Variants in ADGRV1 observed in about 807,000 individuals in gnomAD.
ADGRV1 encodes G-protein coupled receptor 98.
A neutral mutation model predicts 596.2 loss-of-function variants in ADGRV1; 359 were observed. That is an observed-to-expected ratio of 0.60 (90% CI 0.55 to 0.66). The LOEUF (loss-of-function observed/expected upper bound fraction) is 0.66. ADGRV1 is among the 30% of genes least tolerant of loss of function. The probability of loss-of-function intolerance (pLI) is 0.00; values close to 1 mark genes in which losing one functional copy is unlikely to be tolerated. For missense variants in ADGRV1, 7,274 were observed against 7,575.6 expected, an observed-to-expected ratio of 0.96 and a Z score of 1.48; for synonymous variants, 2,681 against 2,679.2, an observed-to-expected ratio of 1.00 and a Z score of -0.02.
intron 85 of ADGRV1, among the ~76,000 whole-genome samples, chr5:90,988,455 C>G (rs1158817407): frequency 6.6e-6 from 1 of 152,092 alleles, no homozygotes; most frequent in East Asian, 1.9e-4. Context: ...ACTGGTGTTT[C>G]CTAAGTGCTG....
In ADGRV1 at chr5:90,800,050, A is replaced by C. The variant is rs918233668; in HGVS notation, c.14518-2689A>C. 4.6e-5 allele frequency among the ~76,000 whole-genome samples: 7 copies of C among 152,218 alleles called. No individual in the cohort carries two copies. The South Asian group carries it at 1.2e-3, about 27-fold the overall frequency. On this transcript the variant is annotated intron_variant, in intron 70 of 89. Transcript: ENST00000405460. ...CTTCATGTCTGAAACACCAAAAGCA[A>C]TGGCAACGGAAGCCAAAATTGACCA...
intron 59 of ADGRV1, among the ~76,000 whole-genome samples, chr5:90,772,502 A>G (rs974118944): frequency 3.3e-5 from 5 of 152,232 alleles, no homozygotes; most frequent in Non-Finnish European, 7.3e-5. Context: ...GATGTACCCT[A>G]AGTAGAAAAT....
chr5:90,698,202 A>G (rs1206786028), intron 34 of ADGRV1, among the ~76,000 whole-genome samples: 1 of 152,210 alleles, frequency 6.6e-6, no homozygotes, highest in Non-Finnish European at 1.5e-5. Flanking sequence ...TCAACTATCA[A>G]AAAGTTATTT....
At position 90,778,495 on chromosome 5, in the gene ADGRV1, A is replaced by G; in HGVS notation, c.12735A>G (p.Gly4245=). The G allele has an allele frequency of 1.2e-6, 2 of 1,612,994 alleles. No homozygotes were observed. The highest frequency in any genetic ancestry group is 1.7e-6 in the Non-Finnish European group (2 of 1,179,390). ...YEFQLTAVSE[G]GVLSESSSTA... is the part of the protein sequence containing the mutation. ...TTCAGCTCACTGCAGTCAGTGAGGGAGGAGTTCTGAGTGAATCCAGCAGCA... is the reference window on the plus strand; with the variant it reads ...TTCAGCTCACTGCAGTCAGTGAGGGGGGAGTTCTGAGTGAATCCAGCAGCA... Residue 4245 remains glycine (G), a synonymous_variant, in exon 63 of 90, where the codon GGA becomes GGG. Coordinates refer to ENST00000405460, the MANE Select transcript of ADGRV1 (RefSeq NM_032119.4).
intron 9 of ADGRV1, among the ~76,000 whole-genome samples, chr5:90,632,012 T>G (rs1765565432): frequency 6.6e-6 from 1 of 152,178 alleles, no homozygotes; most frequent in Non-Finnish European, 1.5e-5. Flanking sequence ...TGTGTGGGAT[T>G]CAATTTTTTG....
intron 85 of ADGRV1, among the ~76,000 whole-genome samples, chr5:91,012,165 G>A (rs1782773311): frequency 6.6e-6 from 1 of 151,818 alleles, no homozygotes; most frequent in South Asian, 2.1e-4. Flanking sequence ...AATTCACCTG[G>A]TAGCTGGTTT....
chr5:90,689,037 G>T (rs766251883), intron 29 of ADGRV1, among the ~76,000 whole-genome samples: 3 of 152,174 alleles, frequency 2.0e-5, no homozygotes, highest in Non-Finnish European at 4.4e-5. Context: ...AGGGAGATTT[G>T]CCTGAGAACT....
intron 7 of ADGRV1, chr5:90,628,052 G>A (rs1310619364): frequency 4.6e-6 from 1 of 217,144 alleles, no homozygotes; most frequent in Admixed American, 5.6e-5. Context: ...TAGTATAGTA[G>A]TTCCCTAGGA....
At chr5:90,565,776 AGT>A (rs1484925078) in intron 1 of ADGRV1, among the ~76,000 whole-genome samples, 2 of 152,110 alleles carry the variant, frequency 1.3e-5, no homozygotes, top group African/African-American at 4.8e-5. Flanking sequence ...TGTTTTCTAA[AGT>A]GTGTTTACCA....
intron 70 of ADGRV1, among the ~76,000 whole-genome samples, chr5:90,800,558 G>A (rs755750896): frequency 1.3e-5 from 2 of 152,152 alleles, no homozygotes; most frequent in African/African-American, 2.4e-5. Flanking sequence ...ATTTGACCCA[G>A]CAATCCCATT....
intron 5 of ADGRV1, among the ~76,000 whole-genome samples, chr5:90,623,063 C>T (rs552930944): frequency 6.6e-6 from 1 of 152,282 alleles, no homozygotes; most frequent in East Asian, 1.9e-4. Context: ...TAAATGCGAA[C>T]ACTGGGGTTC....
chr5:90,875,201 G>A (rs887475685), intron 83 of ADGRV1, among the ~76,000 whole-genome samples: 1 of 152,116 alleles, frequency 6.6e-6, no homozygotes. Flanking sequence ...TTTAAAGCCA[G>A]AATTTTAAAG....
intron 50 of ADGRV1, among the ~76,000 whole-genome samples, chr5:90,731,354 A>G (rs1241793700): frequency 1.3e-5 from 2 of 152,192 alleles, no homozygotes; most frequent in South Asian, 2.1e-4. Context: ...ATCCGCCTCT[A>G]TGATCCAATC....
At chr5:91,044,040 C>T (rs563488250) in intron 85 of ADGRV1, among the ~76,000 whole-genome samples, 1 of 152,006 alleles carries the variant, frequency 6.6e-6, no homozygotes, top group South Asian at 2.1e-4. Flanking sequence ...ATAGGAGATA[C>T]TCAACAAATA....
chr5:90,802,578 C>T (rs1003526936), intron 70 of ADGRV1, among the ~76,000 whole-genome samples, 161 bp from the exon 71 acceptor site: 11 of 152,004 alleles, frequency 7.2e-5, no homozygotes, highest in African/African-American at 2.4e-4. Flanking sequence ...TATCTCACAC[C>T]CTACATACTG....
intron 1 of ADGRV1, among the ~76,000 whole-genome samples, chr5:90,602,189 C>T (rs1429329263): frequency 6.6e-6 from 1 of 152,146 alleles, no homozygotes; most frequent in African/African-American, 2.4e-5. Flanking sequence ...ATTTACAATA[C>T]AACATCCTGA....
intron 50 of ADGRV1, among the ~76,000 whole-genome samples, chr5:90,740,097 A>G (rs1437514463): frequency 6.6e-6 from 1 of 152,184 alleles, no homozygotes; most frequent in East Asian, 1.9e-4. Flanking sequence ...TAAGGAAAGT[A>G]CTGGGGCTTG....
intron 87 of ADGRV1, among the ~76,000 whole-genome samples, chr5:91,136,998 G>T (rs960562094): frequency 1.6e-4 from 24 of 152,220 alleles, no homozygotes; most frequent in African/African-American, 5.8e-4. Flanking sequence ...GAAATGCTCT[G>T]TTTAAAAATG....
chr5:91,036,031 T>C lies in ADGRV1; in HGVS notation c.18153-36416T>C, dbSNP rs80046113. On this transcript the variant is annotated intron_variant, in intron 85 of 89. Transcript: ENST00000405460. ...TAGATTAAGTATTGTAGATATGTGA[T>C]GTTAAAAATATACTTAATGAAGAAA... 5.8e-3 allele frequency among the ~76,000 whole-genome samples: 883 copies of C among 151,616 alleles called. 8 individuals are homozygous for C. The highest frequency in any genetic ancestry group is 0.021 in the African/African-American group (853 of 41,376).
Sources: gnomAD v4.1 joint callset for allele counts (sites outside exome capture counted in the v4.1 genomes callset) on GRCh38, gnomAD v4.1.1 for gene constraint, MANE v1.5 for transcripts, NCBI Gene and HGNC (gene_info 2026-07-23, HGNC 2026-07-21) for gene names.